The following AZIN1 variants were observed in gnomAD, a reference collection of about 807,000 sequenced individuals.
AZIN1 encodes the protein ornithine decarboxylase antizyme inhibitor.
A neutral mutation model predicts 47.4 loss-of-function variants in AZIN1; 12 were observed. The observed-to-expected ratio is 0.25, with a 90% confidence interval of 0.16 to 0.41. The LOEUF (loss-of-function observed/expected upper bound fraction) is 0.41. AZIN1 is among the 10% of genes least tolerant of loss of function. The probability of loss-of-function intolerance (pLI) is 1.00; values close to 1 mark genes in which losing one functional copy is unlikely to be tolerated. For synonymous variants in AZIN1, 155 were observed against 176.3 expected (o/e 0.88, Z 0.96); for missense variants, 410 against 532.4 (o/e 0.77, Z 2.26).
At chr8:102,861,486 T>C (rs1813648285) in intron 1 of AZIN1, among the ~76,000 whole-genome samples, 2 of 151,664 alleles carry the variant, frequency 1.3e-5, no homozygotes, top group South Asian at 4.2e-4. Context: ...CCTCCCAAAG[T>C]GCTGGGATTA....
intron 1 of AZIN1, among the ~76,000 whole-genome samples, chr8:102,858,540 G>A (rs1048702836): frequency 6.6e-6 from 1 of 152,006 alleles, no homozygotes; most frequent in Non-Finnish European, 1.5e-5. Flanking sequence ...GTATATACAA[G>A]ACTTTATATG....
At chr8:102,835,603 T>A (rs551254327) in intron 6 of AZIN1, 2 of 152,362 alleles carry the variant, frequency 1.3e-5, no homozygotes, top group African/African-American at 4.8e-5. Context: ...GCCGTGATCG[T>A]GCCACTGCAC....
chr8:102,858,939 T>A (rs767327005), intron 1 of AZIN1: 1 of 152,230 alleles, frequency 6.6e-6, no homozygotes, highest in Non-Finnish European at 1.5e-5. Flanking sequence ...CTATGTATAA[T>A]TCAGTGGTTA....
Position 102,826,916 on chromosome 8 carries a change from T to C in AZIN1, c.*1651A>G, listed in dbSNP as rs1275490891. Reference sequence around the variant, plus strand: ...CCAAGGGCAATTTGATGGCAATGGATTGGGGCCCTATATATATATATTTTT... The same window carrying C: ...CCAAGGGCAATTTGATGGCAATGGACTGGGGCCCTATATATATATATTTTT... On this transcript the variant is annotated 3_prime_UTR_variant, in exon 12 of 12. Transcript: ENST00000337198. 6.6e-6 allele frequency: 1 copy of C among 152,588 alleles called. No individual in the cohort carries two copies. The highest frequency in any genetic ancestry group is 1.5e-5 in the Non-Finnish European group (1 of 68,028). The allele number at this position is 152,588 out of a possible 1,614,324, so 9.5% of individuals were successfully genotyped here.
intron 2 of AZIN1, among the ~76,000 whole-genome samples, chr8:102,848,142 C>T (rs1449158052): frequency 6.6e-6 from 1 of 152,138 alleles, no homozygotes; most frequent in Non-Finnish European, 1.5e-5. Context: ...CAGTAAGCTA[C>T]ACCATACAGC....
At chr8:102,834,369 G>A (rs1811681460) in intron 7 of AZIN1, 106 bp from the exon 8 acceptor site, 2 of 871,730 alleles carry the variant, frequency 2.3e-6, no homozygotes, top group Admixed American at 2.6e-5. Flanking sequence ...CTGATCTTTA[G>A]TACAGCAAAT....
chr8:102,857,471 T>C (rs1314825209), intron 2 of AZIN1, among the ~76,000 whole-genome samples: 1 of 152,086 alleles, frequency 6.6e-6, no homozygotes, highest in Non-Finnish European at 1.5e-5. Flanking sequence ...GGGGCTCAAT[T>C]CTAAAGTAAA....
intron 9 of AZIN1, among the ~76,000 whole-genome samples, chr8:102,831,958 T>G (rs967700194): frequency 6.6e-6 from 1 of 152,006 alleles, no homozygotes; most frequent in Admixed American, 6.6e-5. Context: ...AAAAAACACC[T>G]AGCATCATCA....
chr8:102,853,461 CACTGCACTCTAGCCTGGGCA>C (rs1813057651), intron 2 of AZIN1, among the ~76,000 whole-genome samples: 1 of 152,160 alleles, frequency 6.6e-6, no homozygotes, highest in East Asian at 1.9e-4. Flanking sequence ...GAAATCGCGC[CACTGCACTCTAGCCTGGGCA>C]ACAAGAGCGA....
chr8:102,837,072 C>G (rs1200638741), intron 5 of AZIN1, among the ~76,000 whole-genome samples: 1 of 152,054 alleles, frequency 6.6e-6, no homozygotes, highest in African/African-American at 2.4e-5. Flanking sequence ...GGGTGCACCA[C>G]CACGCCCAGC....
At chr8:102,843,500 G>A (rs747439396) in intron 3 of AZIN1, 51 bp downstream of exon 3, 28 of 1,496,318 alleles carry the variant, frequency 1.9e-5, no homozygotes, top group Non-Finnish European at 2.3e-5. Flanking sequence ...AAAAGCACTC[G>A]TTTCAGAGCT....
At position 102,838,321 on chromosome 8, in the gene AZIN1, A is replaced by C. The variant is rs563121982; in HGVS notation, c.449+423T>G. Among the ~76,000 whole-genome samples, 6 of 152,358 alleles carry C rather than the reference A, an allele frequency of 3.9e-5. No homozygotes were observed. In the South Asian group the frequency reaches 1.2e-3, roughly 32 times the overall value. On this transcript the variant is annotated intron_variant, in intron 5 of 11. Transcript: ENST00000337198. ...CTAGGCTTCGAAGACACTGTCAGTAAAGATGACCATTCAAGAACTATGGCC... is the reference window on the plus strand; with the variant it reads ...CTAGGCTTCGAAGACACTGTCAGTACAGATGACCATTCAAGAACTATGGCC...
At chr8:102,855,007 T>C (rs543415096) in intron 2 of AZIN1, among the ~76,000 whole-genome samples, 2 of 152,242 alleles carry the variant, frequency 1.3e-5, no homozygotes, top group East Asian at 1.9e-4. Flanking sequence ...CCAAAATAAA[T>C]AGAAAACTAG....
At chr8:102,844,345 A>C (rs1393744526) in intron 2 of AZIN1, among the ~76,000 whole-genome samples, 2 of 42,110 alleles carry the variant, frequency 4.7e-5, no homozygotes, top group East Asian at 1.3e-3. Flanking sequence ...CGTCTCTCCT[A>C]AAAAAAAAAA....
chr8:102,852,964 A>G (rs1490573582), intron 2 of AZIN1, among the ~76,000 whole-genome samples: 1 of 152,204 alleles, frequency 6.6e-6, no homozygotes, highest in Non-Finnish European at 1.5e-5. Context: ...CCTGCCATAT[A>G]CTAGATTTTA....
intron 9 of AZIN1, 146 bp from the exon 10 acceptor site, chr8:102,830,082 G>A (rs1811337601): frequency 1.6e-6 from 1 of 613,858 alleles, no homozygotes; most frequent in Non-Finnish European, 2.8e-6. Context: ...TAACCAATGA[G>A]CACAAGAAAA....
intron 9 of AZIN1, 49 bp from the exon 10 acceptor site, chr8:102,829,985 A>G (rs767639649): frequency 5.2e-6 from 6 of 1,162,320 alleles, no homozygotes; most frequent in East Asian, 4.7e-5. Context: ...AAAATGGCTC[A>G]TATGAAACAA....
chr8:102,849,584 T>C (rs754638900), intron 2 of AZIN1, among the ~76,000 whole-genome samples: 5 of 152,182 alleles, frequency 3.3e-5, no homozygotes, highest in Non-Finnish European at 7.4e-5. Flanking sequence ...TCATTAGAAC[T>C]GAACAGCAAA....
At chr8:102,852,604 AC>A (rs1812983552) in intron 2 of AZIN1, among the ~76,000 whole-genome samples, 1 of 152,162 alleles carries the variant, frequency 6.6e-6, no homozygotes, top group Non-Finnish European at 1.5e-5. Flanking sequence ...ATTTTTTAAT[AC>A]AAAAATTAGC....
Sources: gnomAD v4.1 joint callset for allele counts (sites outside exome capture counted in the v4.1 genomes callset) on GRCh38, gnomAD v4.1.1 for gene constraint, MANE v1.5 for transcripts, NCBI Gene and HGNC (gene_info 2026-07-23, HGNC 2026-07-21) for gene names.